The following BCAS3 variants were observed in gnomAD, a reference collection of about 807,000 sequenced individuals.
The protein encoded by BCAS3 is BCAS3 microtubule associated cell migration factor.
BCAS3 carries 53 observed loss-of-function variants against 116.1 expected under a neutral mutation model. The observed-to-expected ratio is 0.46, with a 90% CI of 0.37 to 0.57. The LOEUF is 0.57. BCAS3 is among the 20% of genes least tolerant of loss of function. BCAS3 has a pLI of 0.00. For synonymous variants in BCAS3, 391 were observed against 408.2 expected, an observed-to-expected ratio of 0.96 and a Z score of 0.51; for missense variants, 917 against 1,165.4, an observed-to-expected ratio of 0.79 and a Z score of 3.10.
chr17:61,278,340 T>C lies in BCAS3; in HGVS notation c.2426-89987T>C, dbSNP rs115496532. On this transcript the variant is annotated intron_variant, in intron 22 of 23. Coordinates refer to ENST00000407086, the MANE Select transcript of BCAS3 (RefSeq NM_017679.5). This position sits in a 1 kb window ranked among gnomAD's most constrained non-coding sequence, Gnocchi z 5.8. ...ACAGGCATGAGCCACCGTTCCCAGA[T>C]AATTTTTGTGTTTTTTGTAGAGACA... Among the ~76,000 whole-genome samples, 3,368 of 152,192 alleles carry C rather than the reference T, an allele frequency of 0.022. 130 individuals carry two copies. The highest frequency in any genetic ancestry group is 0.076 in the African/African-American group (3,143 of 41,514).
At chr17:60,759,983 A>G (rs1057030912) in intron 6 of BCAS3, among the ~76,000 whole-genome samples, 2 of 152,150 alleles carry the variant, frequency 1.3e-5, no homozygotes, top group Non-Finnish European at 2.9e-5. Context: ...GTTTTATCTG[A>G]TATCAGTATA....
At position 61,392,293 on chromosome 17, in the gene BCAS3, C is replaced by T; in HGVS notation, c.*168C>T. On this transcript the variant is annotated 3_prime_UTR_variant, in exon 24 of 24. Transcript: ENST00000407086. This position sits in a 1 kb window ranked among gnomAD's most constrained non-coding sequence, Gnocchi z 6.4. Reference sequence around the variant, plus strand: ...ACCTGGATGGAGAAGAGACCCTTCTCCAAGCACCTCAGCGCACTTGCCCTC... The same window carrying T: ...ACCTGGATGGAGAAGAGACCCTTCTTCAAGCACCTCAGCGCACTTGCCCTC... 1 of 797,322 alleles carries T rather than the reference C, an allele frequency of 1.3e-6. No homozygotes were observed. Among genetic ancestry groups the T allele is most frequent in the Non-Finnish European group, 1.9e-6 (1 of 516,686 alleles). The allele number at this position is 797,322 out of a possible 1,614,324, so 49.4% of individuals were successfully genotyped here. A position where few individuals can be genotyped will look rare whatever the true frequency, so the allele number is the denominator to read the frequency against.
At position 60,994,163 on chromosome 17, in the gene BCAS3, C is replaced by T. The variant is rs1465057729; in HGVS notation, c.1486+3928C>T. Among the ~76,000 whole-genome samples, 1 of 151,814 alleles carries T rather than the reference C, an allele frequency of 6.6e-6. No homozygotes were observed. Among genetic ancestry groups the T allele is most frequent in the Non-Finnish European group, 1.5e-5 (1 of 67,938 alleles). On this transcript the variant is annotated intron_variant, in intron 15 of 23. Coordinates refer to ENST00000407086, the MANE Select transcript of BCAS3 (RefSeq NM_017679.5). The surrounding 1 kb of genome is among the most constrained non-coding windows in gnomAD (Gnocchi z 4.4). ...AGAAAATGCAGAATTACTCATATCA[C>T]TTTATATATGAAATATATATCTTGA... is the stretch of plus-strand genomic sequence containing the variant.
intron 7 of BCAS3, among the ~76,000 whole-genome samples, chr17:60,831,170 G>C (rs1479392541): frequency 6.6e-6 from 1 of 151,278 alleles, no homozygotes; most frequent in African/African-American, 2.4e-5. Context: ...TCTTTTGATT[G>C]AGTTATATGT....
intron 22 of BCAS3, among the ~76,000 whole-genome samples, chr17:61,269,425 C>T (rs1461885374): frequency 6.6e-6 from 1 of 151,916 alleles, no homozygotes; most frequent in Non-Finnish European, 1.5e-5. Flanking sequence ...ATTATATTTT[C>T]AATTCTTTTG....
At chr17:61,045,864 TAAATATATATAAATATATA>T (rs2068036412) in intron 19 of BCAS3, among the ~76,000 whole-genome samples, 1 of 31,454 alleles carries the variant, frequency 3.2e-5, no homozygotes, top group African/African-American at 4.2e-4. Context: ...TATATATATA[TAAATATATATAAATATATA>T]TTATATATAT....
At position 61,352,098 on chromosome 17, in the gene BCAS3, G is replaced by T. The variant is rs530802444; in HGVS notation, c.2426-16229G>T. Among the ~76,000 whole-genome samples, 48 of 152,270 alleles carry T rather than the reference G, an allele frequency of 3.2e-4. 1 individual carries two copies. The highest frequency in any genetic ancestry group is 1.1e-3 in the African/African-American group (44 of 41,564). ...TTCTAGTAGTTTTTCAACCCTAAAG[G>T]CATTTCTAAAACTAAAATGAAACAG... On this transcript the variant is annotated intron_variant, in intron 22 of 23. Coordinates refer to ENST00000407086, the MANE Select transcript of BCAS3 (RefSeq NM_017679.5). This position sits in a 1 kb window ranked among gnomAD's most constrained non-coding sequence, Gnocchi z 4.7.
At chr17:60,812,674 AATACATAC>A (rs748325727) in intron 7 of BCAS3, among the ~76,000 whole-genome samples, 46 of 152,180 alleles carry the variant, frequency 3.0e-4, no homozygotes, top group African/African-American at 1.1e-3. Flanking sequence ...TCCATGAGTC[AATACATAC>A]ATACATACAT....
At chr17:60,934,134 G>A (rs1013216333) in intron 13 of BCAS3, among the ~76,000 whole-genome samples, 3 of 152,054 alleles carry the variant, frequency 2.0e-5, no homozygotes, top group Non-Finnish European at 4.4e-5. Context: ...ATGGTTTTAA[G>A]TTAATAGAAT....
chr17:61,224,885 A>G lies in BCAS3; in HGVS notation c.2425+140321A>G, dbSNP rs1426715996. Among the ~76,000 whole-genome samples, 3 of 152,230 alleles carry G rather than the reference A, an allele frequency of 2.0e-5. No homozygotes were observed. The highest frequency in any genetic ancestry group is 7.2e-5 in the African/African-American group (3 of 41,458). ...GCCACATGTTGCTAGTGGCTACCAT[A>G]TTGAACTGCACAGATCTAGAACATT... is the stretch of plus-strand genomic sequence containing the variant. On this transcript the variant is annotated intron_variant, in intron 22 of 23. Coordinates refer to ENST00000407086, the MANE Select transcript of BCAS3 (RefSeq NM_017679.5). This position sits in a 1 kb window ranked among gnomAD's most constrained non-coding sequence, Gnocchi z 5.7.
In BCAS3 at chr17:60,679,935, G is replaced by T. The variant is rs552093691; in HGVS notation, c.83+395G>T. 2.0e-5 allele frequency among the ~76,000 whole-genome samples: 3 copies of T among 152,044 alleles called. No individual in the cohort carries two copies. In the East Asian group the frequency reaches 5.8e-4, roughly 29 times the overall value. Reference sequence around the variant, plus strand: ...AGGCGGATCACGAGATCAGGAGATCGAGACCATCCTGGCTAAAACGGTGAA... The same window carrying T: ...AGGCGGATCACGAGATCAGGAGATCTAGACCATCCTGGCTAAAACGGTGAA... On this transcript the variant is annotated intron_variant, in intron 2 of 23. Transcript: ENST00000407086.
intron 22 of BCAS3, among the ~76,000 whole-genome samples, chr17:61,359,035 G>C (rs1235038463): frequency 6.6e-6 from 1 of 152,062 alleles, no homozygotes; most frequent in African/African-American, 2.4e-5. Context: ...GAGAAAGTGG[G>C]GTGCACATAC....
At chr17:60,740,541 G>A (rs896430878) in intron 5 of BCAS3, among the ~76,000 whole-genome samples, 1 of 151,380 alleles carries the variant, frequency 6.6e-6, no homozygotes, top group Non-Finnish European at 1.5e-5. Context: ...AGGAGGATAT[G>A]ATGTATTGGG....
At chr17:61,016,859 T>G (rs2065491968) in intron 16 of BCAS3, 1 of 152,216 alleles carries the variant, frequency 6.6e-6, no homozygotes, top group African/African-American at 2.4e-5. Context: ...CAGAGGTCAC[T>G]TTTGTGAGAA....
chr17:60,975,007 T>G (rs867215333), intron 14 of BCAS3, among the ~76,000 whole-genome samples: 2 of 149,962 alleles, frequency 1.3e-5, no homozygotes, highest in South Asian at 2.1e-4. Flanking sequence ...TTGTTTTTTT[T>G]TTTTTGAGAC....
At position 61,171,474 on chromosome 17, in the gene BCAS3, A is replaced by G. The variant is rs1470985392; in HGVS notation, c.2425+86910A>G. Reference sequence around the variant, plus strand: ...AAGTCATATTGAATGTAAATGGTCTAAACACTCAATTAAAAGACAGGAAAT... The same window carrying G: ...AAGTCATATTGAATGTAAATGGTCTGAACACTCAATTAAAAGACAGGAAAT... On this transcript the variant is annotated intron_variant, in intron 22 of 23. Transcript: ENST00000407086. The surrounding 1 kb of genome is among the most constrained non-coding windows in gnomAD (Gnocchi z 4.1). 6.6e-6 allele frequency among the ~76,000 whole-genome samples: 1 copy of G among 152,214 alleles called. No individual in the cohort carries two copies. The highest frequency in any genetic ancestry group is 1.9e-4 in the East Asian group (1 of 5,200).
intron 22 of BCAS3, among the ~76,000 whole-genome samples, chr17:61,254,554 G>A (rs1183076911): frequency 3.3e-5 from 5 of 151,826 alleles, no homozygotes; most frequent in African/African-American, 9.7e-5. Context: ...CGTGGCGGGC[G>A]GATCACAGGG....
intron 10 of BCAS3, among the ~76,000 whole-genome samples, chr17:60,895,607 T>A (rs531827719): frequency 3.9e-5 from 6 of 152,288 alleles, no homozygotes; most frequent in African/African-American, 1.4e-4. Context: ...GGTTTATTCT[T>A]TTTTAGCTCC....
chr17:61,134,358 T>G lies in BCAS3; in HGVS notation c.2425+49794T>G, dbSNP rs1230259222. On this transcript the variant is annotated intron_variant, in intron 22 of 23. Transcript: ENST00000407086. The surrounding 1 kb of genome is among the most constrained non-coding windows in gnomAD (Gnocchi z 4.6). Reference sequence around the variant, plus strand: ...TTCATCGTTTTATAAATTAGGAAATTGAGGTCTTGTGAAAGTAACGTGCCT... The same window carrying G: ...TTCATCGTTTTATAAATTAGGAAATGGAGGTCTTGTGAAAGTAACGTGCCT... 6.6e-6 allele frequency among the ~76,000 whole-genome samples: 1 copy of G among 152,198 alleles called. No individual in the cohort carries two copies. The highest frequency in any genetic ancestry group is 1.5e-5 in the Non-Finnish European group (1 of 68,034).
Sources: gnomAD v4.1 joint callset for allele counts (sites outside exome capture counted in the v4.1 genomes callset) on GRCh38, gnomAD v4.1.1 for gene constraint, Gnocchi (gnomAD v3.1) non-coding constraint, MANE v1.5 for transcripts, NCBI Gene and HGNC (gene_info 2026-07-23, HGNC 2026-07-21) for gene names.